PDGFD: variants seen among roughly 807,000 people sequenced by gnomAD.
The protein encoded by PDGFD is platelet-derived growth factor D.
In PDGFD, 30 loss-of-function variants were observed where a neutral mutation model predicts 44.7. The observed-to-expected ratio is 0.67, with a 90% CI of 0.50 to 0.91. The LOEUF is 0.91. PDGFD is among the 40% of genes least tolerant of loss of function. PDGFD has a pLI of 0.00. For missense variants in PDGFD, 445 were observed against 457.8 expected (o/e 0.97, Z 0.25); for synonymous variants, 173 against 168.4 (o/e 1.03, Z -0.21).
intron 1 of PDGFD, among the ~76,000 whole-genome samples, chr11:104,162,270 G>T (rs1026367121): frequency 1.3e-5 from 2 of 151,954 alleles, no homozygotes; most frequent in Non-Finnish European, 2.9e-5. Context: ...TACTTGGGAG[G>T]GTGAGGATTA....
Position 104,100,064 on chromosome 11 carries a change from T to A in PDGFD, c.124+63740A>T, listed in dbSNP as rs549831471. ...TTTTTTAATGCAAAAGTCGACTACATGCATGATGCCTAACAAGAAGGAATG... is the reference window on the plus strand; with the variant it reads ...TTTTTTAATGCAAAAGTCGACTACAAGCATGATGCCTAACAAGAAGGAATG... On this transcript the variant is annotated intron_variant, in intron 1 of 6. Transcript: ENST00000393158. Among the ~76,000 whole-genome samples the A allele has an allele frequency of 4.6e-5, 7 of 152,208 alleles. No individual in the cohort carries two copies. In the South Asian group the frequency reaches 1.5e-3, roughly 32 times the overall value.
chr11:104,084,968 AATAT>A (rs541475577), intron 1 of PDGFD, among the ~76,000 whole-genome samples: 1 of 148,564 alleles, frequency 6.7e-6, no homozygotes, highest in Non-Finnish European at 1.5e-5. Context: ...TAAAAATAAA[AATAT>A]ATATAGTGTG....
intron 3 of PDGFD, among the ~76,000 whole-genome samples, chr11:103,977,111 T>G (rs1184227657): frequency 6.6e-6 from 1 of 152,078 alleles, no homozygotes; most frequent in Admixed American, 6.6e-5. Context: ...GATAGATTTC[T>G]AGACATACAC....
At chr11:104,110,023 AT>A (rs1409059572) in intron 1 of PDGFD, among the ~76,000 whole-genome samples, 1 of 152,190 alleles carries the variant, frequency 6.6e-6, no homozygotes, top group Admixed American at 6.6e-5. Context: ...TAGAAAAAAA[AT>A]CTCAGGAATA....
At chr11:103,958,580 T>A (rs1370631927) in intron 3 of PDGFD, among the ~76,000 whole-genome samples, 1 of 152,242 alleles carries the variant, frequency 6.6e-6, no homozygotes, top group Non-Finnish European at 1.5e-5. Flanking sequence ...TTTCATTTTC[T>A]TGCAAGCACA....
rs373560098 is a variant in PDGFD, at chr11:104,163,148, GC to G, written c.124+655del. On this transcript the variant is annotated intron_variant, in intron 1 of 6. Coordinates refer to ENST00000393158, the MANE Select transcript of PDGFD (RefSeq NM_025208.5). Reference sequence around the variant, plus strand: ...AGGAAACTAGCAGCAGAAGCCTGGTGCCCCTGTGGTACTGATGAAACCCCAG... The same window carrying G: ...AGGAAACTAGCAGCAGAAGCCTGGTGCCCTGTGGTACTGATGAAACCCCAG... 1.2e-4 allele frequency among the ~76,000 whole-genome samples: 18 copies of G among 152,188 alleles called. No individual in the cohort carries two copies. The East Asian group carries it at 3.3e-3, about 28-fold the overall frequency.
At position 103,921,238 on chromosome 11, in the gene PDGFD, A is replaced by G. The variant is rs60129470; in HGVS notation, c.987+5674T>C. Reference sequence around the variant, plus strand: ...TTCTAGCTATGAGGTTTCCAAAAAAATAACAGAAAAGAGATTTTCTTGACT... The same window carrying G: ...TTCTAGCTATGAGGTTTCCAAAAAAGTAACAGAAAAGAGATTTTCTTGACT... On this transcript the variant is annotated intron_variant, in intron 6 of 6. Coordinates refer to ENST00000393158, the MANE Select transcript of PDGFD (RefSeq NM_025208.5). Among the ~76,000 whole-genome samples, 851 of 152,354 alleles carry G rather than the reference A, an allele frequency of 5.6e-3. 9 individuals carry two copies. The highest frequency in any genetic ancestry group is 0.019 in the African/African-American group (799 of 41,574).
chr11:104,085,461 CT>C (rs2134432736), intron 1 of PDGFD, among the ~76,000 whole-genome samples: 1 of 152,256 alleles, frequency 6.6e-6, no homozygotes. Context: ...CATTCATTCA[CT>C]GAACGACATT....
At chr11:103,930,674 T>C (rs748414158) in intron 5 of PDGFD, among the ~76,000 whole-genome samples, 4 of 151,642 alleles carry the variant, frequency 2.6e-5, no homozygotes, top group Non-Finnish European at 4.4e-5. Context: ...TGAAGGAGGG[T>C]TCAGAGAGCA....
chr11:104,134,526 C>CATCA (rs2119852869), intron 1 of PDGFD, among the ~76,000 whole-genome samples: 1 of 152,274 alleles, frequency 6.6e-6, no homozygotes, highest in South Asian at 2.1e-4. Flanking sequence ...TGGCTTTGAG[C>CATCA]ATCAGATGGT....
intron 6 of PDGFD, among the ~76,000 whole-genome samples, chr11:103,925,716 CATATAT>C (rs370841769): frequency 4.9e-5 from 6 of 122,758 alleles, no homozygotes; most frequent in South Asian, 2.7e-4. Flanking sequence ...CACACACACA[CATATAT>C]ATATATATAT....
In PDGFD at chr11:103,943,457, G is replaced by A. The variant is rs1858618327; in HGVS notation, c.767C>T (p.Ser256Leu). ...YRGRSYHDRK[S>L]KVDLDRLNDD... The stretch of plus-strand genomic sequence containing the variant: ...TACAAGTGTCTGTCTCTTACCTTTT[G>A]ACTTCCGGTCATGGTATGACCTGCC... Residue 256 changes from serine to leucine, a missense_variant, in exon 5 of 7, where the codon TCA (serine) becomes TTA (leucine). Transcript: ENST00000393158. 2 of 1,611,198 alleles carry A rather than the reference G, an allele frequency of 1.2e-6. No homozygotes were observed. The highest frequency in any genetic ancestry group is 1.7e-6 in the Non-Finnish European group (2 of 1,178,842).
rs552206905 is a variant in PDGFD at position 104,139,963 on chromosome 11, G to A, written c.124+23841C>T. On this transcript the variant is annotated intron_variant, in intron 1 of 6. Transcript: ENST00000393158. ...TAGTCCCAGCTACTCGGGAGGCTGA[G>A]GCAGGAGAATGGCGTGAACCCAGGA... Among the ~76,000 whole-genome samples the A allele has an allele frequency of 2.6e-5, 2 of 77,236 alleles. 1 individual carries two copies. The highest frequency in any genetic ancestry group is 1.5e-4 in the African/African-American group (2 of 13,648). 50.7% of individuals were successfully genotyped at this position (77,236 alleles called of 152,430 possible).
At chr11:103,995,993 T>C (rs1859529027) in intron 3 of PDGFD, 72 bp downstream of exon 3, 3 of 1,346,480 alleles carry the variant, frequency 2.2e-6, no homozygotes, top group Middle Eastern at 2.4e-4. Flanking sequence ...CTGAATTTGA[T>C]CATAGAAAAT....
chr11:104,122,606 T>C (rs1358269750), intron 1 of PDGFD, among the ~76,000 whole-genome samples: 1 of 152,056 alleles, frequency 6.6e-6, no homozygotes, highest in Non-Finnish European at 1.5e-5. Context: ...TCACTCTTTA[T>C]GTGTCCATGT....
At chr11:104,067,252 C>G (rs1217165746) in intron 1 of PDGFD, among the ~76,000 whole-genome samples, 1 of 152,120 alleles carries the variant, frequency 6.6e-6, no homozygotes, top group Non-Finnish European at 1.5e-5. Flanking sequence ...GAGGGAGGAT[C>G]AAACAAGACC....
chr11:104,093,880 A>C (rs544607506), intron 1 of PDGFD, among the ~76,000 whole-genome samples: 6 of 148,832 alleles, frequency 4.0e-5, no homozygotes, highest in Non-Finnish European at 7.4e-5. Flanking sequence ...TAGTATCTCC[A>C]ATCATTAAAA....
At chr11:104,009,429 C>CATTATTATTATT (rs58324746) in intron 1 of PDGFD, among the ~76,000 whole-genome samples, 8,952 of 148,744 alleles carry the variant, frequency 0.06, 374 homozygotes, top group African/African-American at 0.12. Flanking sequence ...CTTGCAAATG[C>CATTATTATTATT]ATTATTATTA....
chr11:104,088,978 T>C (rs1396124354), intron 1 of PDGFD, among the ~76,000 whole-genome samples: 1 of 152,014 alleles, frequency 6.6e-6, no homozygotes, highest in African/African-American at 2.4e-5. Flanking sequence ...AAAAGAATTA[T>C]ACTGCTTTCA....
Sources: allele counts gnomAD v4.1 joint callset (sites outside exome capture counted in the v4.1 genomes callset), GRCh38; gene constraint gnomAD v4.1.1; transcripts MANE v1.5; gene names NCBI Gene and HGNC (gene_info 2026-07-23, HGNC 2026-07-21).